Variants in ARID2 observed in about 807,000 individuals in gnomAD.
ARID2 encodes the protein AT-rich interactive domain-containing protein 2.
In ARID2, 32 loss-of-function variants were observed where a neutral mutation model predicts 184.6. The ratio of observed to expected loss-of-function variants is 0.17; its 90% CI spans 0.13 to 0.23. ARID2 has a LOEUF of 0.23. ARID2 is among the 10% of genes least tolerant of loss of function. The pLI is 1.00. For synonymous variants in ARID2, 836 were observed against 772.6 expected (o/e 1.08, Z -1.36); for missense variants, 1,696 against 2,197.6 (o/e 0.77, Z 4.56).
intron 15 of ARID2, among the ~76,000 whole-genome samples, 181 bp from the exon 16 acceptor site, chr12:45,860,620 C>G (rs1033083418): frequency 6.6e-6 from 1 of 151,660 alleles, no homozygotes; most frequent in Non-Finnish European, 1.5e-5. Context: ...AATAAACTTT[C>G]TAAATATTTC....
intron 3 of ARID2, among the ~76,000 whole-genome samples, chr12:45,731,646 T>C (rs1441435751): frequency 6.6e-6 from 1 of 152,182 alleles, no homozygotes; most frequent in Non-Finnish European, 1.5e-5. Flanking sequence ...AGACTTAAGA[T>C]AGTTAATGAA....
intron 3 of ARID2, among the ~76,000 whole-genome samples, chr12:45,767,382 GTTTTTTTTCAA>G (rs1565588520): frequency 1.3e-5 from 2 of 150,628 alleles, no homozygotes; most frequent in Non-Finnish European, 3.0e-5. Flanking sequence ...TTATAAAGTT[GTTTTTTTTCAA>G]TTTTTTTTCT....
rs564645257 is a variant in ARID2 at position 45,762,852 on chromosome 12, C to T, written c.284+31538C>T. 1.2e-4 allele frequency among the ~76,000 whole-genome samples: 18 copies of T among 152,266 alleles called. No homozygotes were observed. In the South Asian group the frequency reaches 2.1e-3, roughly 18 times the overall value. The stretch of plus-strand genomic sequence containing the variant: ...GTGGTTTTATGAAGAGATAAGAGAA[C>T]AAGTTTATCTTTAACAATTTCTGTC... On this transcript the variant is annotated intron_variant, in intron 3 of 20. Transcript: ENST00000334344.
At chr12:45,760,097 A>G (rs2138007780) in intron 3 of ARID2, among the ~76,000 whole-genome samples, 1 of 152,308 alleles carries the variant, frequency 6.6e-6, no homozygotes, top group East Asian at 1.9e-4. Context: ...CATTCATCTC[A>G]AAGTATTATA....
At chr12:45,815,205 AAATT>A (rs1942784845) in intron 4 of ARID2, among the ~76,000 whole-genome samples, 1 of 152,198 alleles carries the variant, frequency 6.6e-6, no homozygotes, top group South Asian at 2.1e-4. Context: ...ATAAAAATGT[AAATT>A]AATTATTGCT....
chr12:45,807,824 C>T (rs1168790048), intron 3 of ARID2, among the ~76,000 whole-genome samples: 1 of 152,106 alleles, frequency 6.6e-6, no homozygotes, highest in Non-Finnish European at 1.5e-5. Context: ...TTCAAGTCTT[C>T]TGTAACCTAA....
chr12:45,794,886 T>C (rs1369804722), intron 3 of ARID2, among the ~76,000 whole-genome samples: 4 of 152,180 alleles, frequency 2.6e-5, no homozygotes, highest in Non-Finnish European at 5.9e-5. Flanking sequence ...TTAGCTATTA[T>C]TTTTGTCTTG....
intron 16 of ARID2, among the ~76,000 whole-genome samples, chr12:45,884,483 G>C (rs1944154822): frequency 6.6e-6 from 1 of 152,136 alleles, no homozygotes; most frequent in Non-Finnish European, 1.5e-5. Context: ...GTGAACTACT[G>C]TTTCAGCCCA....
At chr12:45,733,893 T>C (rs1271178054) in intron 3 of ARID2, among the ~76,000 whole-genome samples, 1 of 152,186 alleles carries the variant, frequency 6.6e-6, no homozygotes, top group Admixed American at 6.5e-5. Context: ...TTTCTTAGAG[T>C]CTAAAATTGA....
In ARID2 at chr12:45,850,633, C is replaced by T. The variant is rs757394988; in HGVS notation, c.2510C>T (p.Ser837Leu). 4 of 1,614,134 alleles carry T rather than the reference C, an allele frequency of 2.5e-6. No individual in the cohort carries two copies. Among genetic ancestry groups the T allele is most frequent in the Non-Finnish European group, 3.4e-6 (4 of 1,179,992 alleles). Reference protein sequence around the residue: ...QPVQTSSQQTSAGSQSQDTVI... With the variant: ...QPVQTSSQQTLAGSQSQDTVI... ...GTGCAAACTTCATCTCAACAGACAT[C>T]AGCTGGTAGCCAGTCACAAGATACT... The change falls in exon 15 of 21, where the codon TCA (serine) becomes TTA (leucine). Residue 837 changes from serine (S) to leucine (L), a missense_variant. Physicochemically the swap from Ser to Leu is moderately radical, Grantham distance 145 (BLOSUM62 -2). Coordinates refer to ENST00000334344, the MANE Select transcript of ARID2 (RefSeq NM_152641.4).
At chr12:45,774,743 C>T (rs1941943040) in intron 3 of ARID2, among the ~76,000 whole-genome samples, 1 of 152,138 alleles carries the variant, frequency 6.6e-6, no homozygotes, top group South Asian at 2.1e-4. Flanking sequence ...CAGCCATGTA[C>T]ACATACAAAA....
chr12:45,765,242 C>G (rs1194322271), intron 3 of ARID2, among the ~76,000 whole-genome samples: 1 of 152,070 alleles, frequency 6.6e-6, no homozygotes, highest in African/African-American at 2.4e-5. Flanking sequence ...AGGTCTCTCT[C>G]TGTCACACAG....
rs943518401 is a variant in ARID2 at position 45,907,356 on chromosome 12, TAGAAA to T, written c.*2282_*2286del. ...GAAACTGCAGTGGTAATTAAATTAA[TAGAAA>T]AGAGAACAAACTGCAGGTTTAGAAA... On this transcript the variant is annotated 3_prime_UTR_variant, in exon 21 of 21. Transcript: ENST00000334344. The T allele has an allele frequency of 3.4e-5, 8 of 233,124 alleles. No homozygotes were observed. Among genetic ancestry groups the T allele is most frequent in the African/African-American group, 1.8e-4 (8 of 45,332 alleles). 14.4% of individuals were successfully genotyped at this position (233,124 alleles called of 1,614,324 possible).
At chr12:45,791,248 T>C (rs1212741944) in intron 3 of ARID2, among the ~76,000 whole-genome samples, 1 of 151,926 alleles carries the variant, frequency 6.6e-6, no homozygotes, top group African/African-American at 2.4e-5. Flanking sequence ...GCAGTCCTAA[T>C]GGTATGAAGT....
intron 20 of ARID2, among the ~76,000 whole-genome samples, chr12:45,894,605 C>CT (rs1353972574): frequency 6.6e-6 from 1 of 152,040 alleles, no homozygotes; most frequent in Admixed American, 6.5e-5. Flanking sequence ...TAAGATTTCT[C>CT]TAAGTGGAAG....
rs140086050 is a variant in ARID2 at position 45,849,731 on chromosome 12, C to T, written c.1867C>T (p.Arg623Cys). The part of the protein sequence containing the change: ...QQQPVSTSVV[R>C]VDSVPDVSPA... The stretch of plus-strand genomic sequence containing the variant: ...GCAACCAGTTTCTACTTCTGTTGTT[C>T]GTGTTGATTCTGTTCCTGATGTATC... Residue 623 changes from arginine (R) to cysteine (C), a missense_variant, in exon 14 of 21, where the codon CGT (arginine) becomes TGT (cysteine). By Grantham distance (180) the Arg-to-Cys change is radical. This residue lies in a region of ARID2 where 713 missense variants were observed against 824.4 expected (regional missense o/e 0.86). Coordinates refer to ENST00000334344, the MANE Select transcript of ARID2 (RefSeq NM_152641.4). 9 of 1,613,474 alleles carry T rather than the reference C, an allele frequency of 5.6e-6. No individual in the cohort carries two copies. The highest frequency in any genetic ancestry group is 1.3e-5 in the African/African-American group (1 of 74,884).
chr12:45,737,203 T>C (rs1019248601), intron 3 of ARID2, among the ~76,000 whole-genome samples: 4 of 152,146 alleles, frequency 2.6e-5, no homozygotes, highest in Admixed American at 2.0e-4. Context: ...ACATTCTGAA[T>C]TGTTGACCAA....
At chr12:45,894,854 T>TTTTTTTTTTTTTTGAGACGGAGTCTCG (rs1944349370) in intron 20 of ARID2, among the ~76,000 whole-genome samples, 1 of 152,212 alleles carries the variant, frequency 6.6e-6, no homozygotes, top group African/African-American at 2.4e-5. Context: ...CTTTTTTGTT[T>TTTTTTTTTTTTTTGAGACGGAGTCTCG]CATAGCCTAC....
Position 45,730,058 on chromosome 12 carries a change from A to G in ARID2, c.107A>G (p.Lys36Arg). The G allele has an allele frequency of 6.2e-7, 1 of 1,613,512 alleles. No homozygotes were observed. The highest frequency in any genetic ancestry group is 2.2e-5 in the East Asian group (1 of 44,812). The part of the protein sequence containing the change: ...FHHSRGSPFK[K>R]IPAVGGKELD... ...CTCTCCCGCAGGTCGCCTTTTAAAAAAATCCCTGCGGTGGGTGGGAAGGAG... is the reference window on the plus strand; with the variant it reads ...CTCTCCCGCAGGTCGCCTTTTAAAAGAATCCCTGCGGTGGGTGGGAAGGAG... The change falls in exon 2 of 21, where the codon AAA becomes AGA. Residue 36 changes from lysine to arginine, a missense_variant. Coordinates refer to ENST00000334344, the MANE Select transcript of ARID2 (RefSeq NM_152641.4).
Sources: allele counts gnomAD v4.1 joint callset (sites outside exome capture counted in the v4.1 genomes callset), GRCh38; gene constraint gnomAD v4.1.1; regional missense constraint gnomAD v4.1.1; transcripts MANE v1.5; gene names NCBI Gene and HGNC (gene_info 2026-07-23, HGNC 2026-07-21).